GOSR1: variants seen among roughly 807,000 people sequenced by gnomAD.
GOSR1 encodes golgi SNAP receptor complex member 1.
In GOSR1, 21 loss-of-function variants were observed where a neutral mutation model predicts 35.5. The observed-to-expected ratio is 0.59, with a 90% CI of 0.42 to 0.85. GOSR1 has a LOEUF of 0.85. Ranked by LOEUF, GOSR1 falls within the 40% of genes least tolerant of loss-of-function variation. The pLI is 0.00. For synonymous variants in GOSR1, 94 were observed against 106.6 expected (o/e 0.88, Z 0.73); for missense variants, 285 against 309.6 (o/e 0.92, Z 0.60).
intron 7 of GOSR1, among the ~76,000 whole-genome samples, chr17:30,511,756 C>G (rs1597793842): frequency 6.6e-6 from 1 of 152,162 alleles, no homozygotes; most frequent in African/African-American, 2.4e-5. Flanking sequence ...GTCCCGAACT[C>G]CTGACCTCAG....
Position 30,481,183 on chromosome 17 carries a change from C to T in GOSR1, c.72C>T (p.Asp24=), listed in dbSNP as rs772095432. 6.3e-7 allele frequency: 1 copy of T among 1,599,298 alleles called. No homozygotes were observed. Among genetic ancestry groups the T allele is most frequent in the Non-Finnish European group, 8.6e-7 (1 of 1,166,526 alleles). ...CTCGACAGCTGGAAAATGAACTTGA[C>T]CTGAAACTAGTTTCCTTCAGCAAAC... ...KQARQLENEL[D]LKLVSFSKLC... The change falls in exon 2 of 9, where the codon GAC becomes GAT. Residue 24 remains aspartate (D), a synonymous_variant. Coordinates refer to ENST00000451249, the MANE Select transcript of GOSR1 (RefSeq NM_001007025.2).
chr17:30,482,929 A>G (rs1406301672), intron 2 of GOSR1: 1 of 152,180 alleles, frequency 6.6e-6, no homozygotes, highest in African/African-American at 2.4e-5. Context: ...ATTTCCCAAG[A>G]AATTCTACCA....
At position 30,524,712 on chromosome 17, in the gene GOSR1, A is replaced by G. The variant is rs1188780521; in HGVS notation, c.*2334A>G. 1 of 152,196 alleles carries G rather than the reference A, an allele frequency of 6.6e-6. No homozygotes were observed. Among genetic ancestry groups the G allele is most frequent in the Non-Finnish European group, 1.5e-5 (1 of 68,038 alleles). 9.4% of individuals were successfully genotyped at this position (152,196 alleles called of 1,614,324 possible). On this transcript the variant is annotated 3_prime_UTR_variant, in exon 9 of 9. Transcript: ENST00000451249. ...AGGGGACTGCTCAATTTCTAATGTGATCTATTCAAGAAGCCACATATAAAA... is the reference window on the plus strand; with the variant it reads ...AGGGGACTGCTCAATTTCTAATGTGGTCTATTCAAGAAGCCACATATAAAA...
At position 30,522,488 on chromosome 17, in the gene GOSR1, G is replaced by A. The variant is rs1968074392; in HGVS notation, c.*110G>A. 1.2e-6 allele frequency: 1 copy of A among 832,848 alleles called. No homozygotes were observed. Among genetic ancestry groups the A allele is most frequent in the Admixed American group, 2.7e-5 (1 of 36,598 alleles). 51.6% of individuals were successfully genotyped at this position (832,848 alleles called of 1,614,324 possible). On this transcript the variant is annotated 3_prime_UTR_variant, in exon 9 of 9. Transcript: ENST00000451249. ...TCTTGATAATTAGCCTGACCAGCAG[G>A]ATGAATGCAAGACTGACAGTGATGG... is the stretch of plus-strand genomic sequence containing the variant.
rs1024317971 is a variant in GOSR1 at position 30,522,687 on chromosome 17, G to A, written c.*309G>A. ...GAGTTTTCTGTGTTTCCATGATAGT[G>A]TTGAAGCCTAATGACAAGCCAGGTC... On this transcript the variant is annotated 3_prime_UTR_variant, in exon 9 of 9. Transcript: ENST00000451249. The A allele has an allele frequency of 5.2e-6, 1 of 191,408 alleles. No individual in the cohort carries two copies. The highest frequency in any genetic ancestry group is 1.1e-5 in the Non-Finnish European group (1 of 94,540). 11.9% of individuals were successfully genotyped at this position (191,408 alleles called of 1,614,324 possible). A position where few individuals can be genotyped will look rare whatever the true frequency, so the allele number is the denominator to read the frequency against.
At chr17:30,521,167 C>CTTTT (rs71360748) in intron 8 of GOSR1, among the ~76,000 whole-genome samples, 1,183 of 64,218 alleles carry the variant, frequency 0.018, 184 homozygotes, top group East Asian at 0.026. Context: ...TTCTCTCTCT[C>CTTTT]TTTTTTTTTT....
At chr17:30,489,258 C>T (rs1039012217) in intron 4 of GOSR1, among the ~76,000 whole-genome samples, 2 of 152,026 alleles carry the variant, frequency 1.3e-5, no homozygotes, top group African/African-American at 4.8e-5. Context: ...GTGGCACGCT[C>T]CTATAGTCCC....
At chr17:30,482,384 C>T (rs559261359) in intron 2 of GOSR1, among the ~76,000 whole-genome samples, 3 of 152,126 alleles carry the variant, frequency 2.0e-5, no homozygotes, top group Non-Finnish European at 4.4e-5. Context: ...TGATAGCTGA[C>T]ATAAGAGTGT....
intron 6 of GOSR1, 180 bp from the exon 7 acceptor site, chr17:30,510,700 C>T (rs767128851): frequency 2.6e-4 from 119 of 454,178 alleles, no homozygotes; most frequent in Non-Finnish European, 4.3e-4. Context: ...GGTGACAGAG[C>T]GAGACTCTGT....
Position 30,484,290 on chromosome 17 carries a change from C to A in GOSR1, c.223C>A (p.Leu75Ile). 6.2e-7 allele frequency: 1 copy of A among 1,605,132 alleles called. No homozygotes were observed. Reference sequence around the variant, plus strand: ...GACAATGGCGATTGAGATTGAACAACTTTTGGCAAGGGTAAGTGCTTTCTG... The same window carrying A: ...GACAATGGCGATTGAGATTGAACAAATTTTGGCAAGGGTAAGTGCTTTCTG... ...FETMAIEIEQ[L>I]LARLTGVNDK... is the part of the protein sequence containing the mutation. Residue 75 changes from leucine to isoleucine, a missense_variant, in exon 3 of 9, where the codon CTT becomes ATT. Transcript: ENST00000451249.
At chr17:30,511,011 T>C in intron 7 of GOSR1, 102 bp downstream of exon 7, 3 of 714,340 alleles carry the variant, frequency 4.2e-6, no homozygotes, top group Non-Finnish European at 7.4e-6. Context: ...AAAAACATTT[T>C]AATGAACAGA....
intron 3 of GOSR1, 104 bp downstream of exon 3, chr17:30,484,405 C>A: frequency 1.3e-6 from 1 of 779,338 alleles, no homozygotes; most frequent in Non-Finnish European, 2.3e-6. Context: ...ATTATCCATT[C>A]CATTCAATAT....
rs374676573 is a variant in GOSR1, at chr17:30,523,101, A to G, written c.*723A>G. 5.1e-5 allele frequency: 9 copies of G among 177,382 alleles called. No homozygotes were observed. Among genetic ancestry groups the G allele is most frequent in the Admixed American group, 1.9e-4 (3 of 15,616 alleles). The allele number at this position is 177,382 out of a possible 1,614,324, so 11.0% of individuals were successfully genotyped here. A position where few individuals can be genotyped will look rare whatever the true frequency, so the allele number is the denominator to read the frequency against. ...TCACTACAACCTCCACCTCCCAGCCACCTGCCTTGGCCTCCCAAAGTGCCG... is the reference window on the plus strand; with the variant it reads ...TCACTACAACCTCCACCTCCCAGCCGCCTGCCTTGGCCTCCCAAAGTGCCG... On this transcript the variant is annotated 3_prime_UTR_variant, in exon 9 of 9. Coordinates refer to ENST00000451249, the MANE Select transcript of GOSR1 (RefSeq NM_001007025.2).
At chr17:30,486,755 G>A (rs1006050415) in intron 4 of GOSR1, among the ~76,000 whole-genome samples, 4 of 152,078 alleles carry the variant, frequency 2.6e-5, no homozygotes, top group Non-Finnish European at 5.9e-5. Flanking sequence ...AAACTATAAA[G>A]CATTTATATA....
chr17:30,485,654 GT>G (rs1329436931), intron 4 of GOSR1, among the ~76,000 whole-genome samples: 2 of 152,130 alleles, frequency 1.3e-5, no homozygotes, highest in African/African-American at 4.8e-5. Context: ...ATGAGCCGCT[GT>G]ACCCAGCCAC....
At chr17:30,477,945 G>A (rs1567892467) in intron 1 of GOSR1, 1 of 985,024 alleles carries the variant, frequency 1.0e-6, no homozygotes, top group South Asian at 4.7e-5. Context: ...GAAGTATGAA[G>A]AGAATAGGAG....
chr17:30,487,344 C>T (rs1307492810), intron 4 of GOSR1, among the ~76,000 whole-genome samples: 2 of 151,958 alleles, frequency 1.3e-5, no homozygotes, highest in Non-Finnish European at 2.9e-5. Context: ...GAAAAAGAAA[C>T]CATAAAGCAG....
At chr17:30,490,766 T>A (rs1914993773) in intron 5 of GOSR1, among the ~76,000 whole-genome samples, 1 of 152,170 alleles carries the variant, frequency 6.6e-6, no homozygotes, top group African/African-American at 2.4e-5. Context: ...TCTATAATTT[T>A]AAATATTTGT....
At chr17:30,486,480 C>T (rs571145982) in intron 4 of GOSR1, among the ~76,000 whole-genome samples, 8 of 149,784 alleles carry the variant, frequency 5.3e-5, no homozygotes, top group African/African-American at 2.0e-4. Context: ...GCCGAGATTG[C>T]ACCACTGCAC....
Sources: allele counts gnomAD v4.1 joint callset (sites outside exome capture counted in the v4.1 genomes callset), GRCh38; gene constraint gnomAD v4.1.1; transcripts MANE v1.5; gene names NCBI Gene and HGNC (gene_info 2026-07-23, HGNC 2026-07-21).